PPIL6: variants seen among roughly 807,000 people sequenced by gnomAD.
The protein encoded by PPIL6 is peptidylprolyl isomerase like 6, also known as probable inactive peptidyl-prolyl cis-trans isomerase-like 6.
Under a neutral mutation model 36.8 loss-of-function variants are expected in PPIL6, and 39 were observed. The ratio of observed to expected loss-of-function variants is 1.06; its 90% CI spans 0.82 to 1.38. The LOEUF (loss-of-function observed/expected upper bound fraction) is 1.38. PPIL6 is among the 40% of genes most tolerant of loss of function. PPIL6 has a pLI of 0.00. For missense variants in PPIL6, 368 were observed against 379.1 expected, an observed-to-expected ratio of 0.97 and a Z score of 0.24; for synonymous variants, 123 against 134.1, an observed-to-expected ratio of 0.92 and a Z score of 0.57.
chr6:109,425,247 G>T (rs1345973625), intron 5 of PPIL6, among the ~76,000 whole-genome samples: 1 of 152,212 alleles, frequency 6.6e-6, no homozygotes, highest in Non-Finnish European at 1.5e-5. Flanking sequence ...GCTTGGATTT[G>T]AATCTAGCAA....
intron 6 of PPIL6, among the ~76,000 whole-genome samples, chr6:109,405,480 G>A (rs1030715411): frequency 4.6e-5 from 7 of 152,250 alleles, no homozygotes; most frequent in African/African-American, 1.7e-4. Context: ...CTCCCAGTCT[G>A]GAGTCTGTTG....
At chr6:109,406,988 T>C (rs1433825239) in intron 6 of PPIL6, among the ~76,000 whole-genome samples, 1 of 152,204 alleles carries the variant, frequency 6.6e-6, no homozygotes, top group African/African-American at 2.4e-5. Flanking sequence ...ACTTTTGCTA[T>C]CTAATAGAAC....
In PPIL6 at chr6:109,390,854, T is replaced by C. The variant is rs570127504; in HGVS notation, c.*1972A>G. The stretch of plus-strand genomic sequence containing the variant: ...TACTATTTTTGCAACTTCCTGTGAA[T>C]CTATATTTCAAAATAAAAAGTTAAA... On this transcript the variant is annotated 3_prime_UTR_variant, in exon 8 of 8. Transcript: ENST00000521072. 19 of 152,290 alleles carry C rather than the reference T, an allele frequency of 1.2e-4. No homozygotes were observed. The highest frequency in any genetic ancestry group is 4.6e-4 in the African/African-American group (19 of 41,568). The allele number at this position is 152,290 out of a possible 1,614,324, so 9.4% of individuals were successfully genotyped here.
Position 109,419,218 on chromosome 6 carries a change from A to G in PPIL6, c.657T>C (p.Asn219=). Residue 219 remains asparagine, a synonymous_variant, in exon 6 of 8, where the codon AAT becomes AAC. Coordinates refer to ENST00000521072, the MANE Select transcript of PPIL6 (RefSeq NM_173672.5). The part of the protein sequence containing the change: ...GGDIVYGKGD[N]GESIYGPTFE... ...ATGTTGGACCATAAATCGACTCTCC[A>G]TTATCTCCTTTTCCATACACTATAT... is the stretch of plus-strand genomic sequence containing the variant. 1 of 1,565,810 alleles carries G rather than the reference A, an allele frequency of 6.4e-7. No homozygotes were observed.
In PPIL6 at chr6:109,412,356, A is replaced by G. The variant is rs190344290; in HGVS notation, c.688+6831T>C. ...AGCTGTTTTCTTCTAAAAAGGAATTACCAATGACATTCTTCATGGAAATAG... is the reference window on the plus strand; with the variant it reads ...AGCTGTTTTCTTCTAAAAAGGAATTGCCAATGACATTCTTCATGGAAATAG... On this transcript the variant is annotated intron_variant, in intron 6 of 7. Coordinates refer to ENST00000521072, the MANE Select transcript of PPIL6 (RefSeq NM_173672.5). Among the ~76,000 whole-genome samples, 278 of 152,316 alleles carry G rather than the reference A, an allele frequency of 1.8e-3. 1 individual carries two copies. The highest frequency in any genetic ancestry group is 6.3e-3 in the African/African-American group (260 of 41,568).
chr6:109,433,865 A>G (rs1461560154), intron 2 of PPIL6, among the ~76,000 whole-genome samples: 1 of 152,224 alleles, frequency 6.6e-6, no homozygotes, highest in Non-Finnish European at 1.5e-5. Context: ...CGAAGCAGCA[A>G]TGATGAACTG....
chr6:109,395,207 G>C (rs890013899), intron 7 of PPIL6, among the ~76,000 whole-genome samples: 1 of 152,104 alleles, frequency 6.6e-6, no homozygotes, highest in African/African-American at 2.4e-5. Flanking sequence ...AGGAGTTCAA[G>C]ACTAGCTTGG....
chr6:109,438,076 CAT>C (rs1254937388), intron 1 of PPIL6, among the ~76,000 whole-genome samples: 1 of 151,998 alleles, frequency 6.6e-6, no homozygotes, highest in Non-Finnish European at 1.5e-5. Flanking sequence ...TTTCAATTGA[CAT>C]ATAATAATTG....
At chr6:109,414,959 A>G (rs1168325479) in intron 6 of PPIL6, among the ~76,000 whole-genome samples, 2 of 152,234 alleles carry the variant, frequency 1.3e-5, no homozygotes, top group Non-Finnish European at 2.9e-5. Flanking sequence ...AGAAAATAAA[A>G]TGTTATAAAG....
intron 5 of PPIL6, among the ~76,000 whole-genome samples, chr6:109,419,660 T>C (rs1773441576): frequency 6.6e-6 from 1 of 151,820 alleles, no homozygotes; most frequent in Non-Finnish European, 1.5e-5. Context: ...GAGGTGGAGG[T>C]TGCGGTGAGC....
chr6:109,399,543 C>T (rs991432773), intron 7 of PPIL6, among the ~76,000 whole-genome samples: 2 of 152,196 alleles, frequency 1.3e-5, no homozygotes, highest in African/African-American at 4.8e-5. Flanking sequence ...GCTGGAATTA[C>T]AGGCACATGC....
At chr6:109,417,732 C>T (rs2115239789) in intron 6 of PPIL6, among the ~76,000 whole-genome samples, 1 of 152,328 alleles carries the variant, frequency 6.6e-6, no homozygotes, top group African/African-American at 2.4e-5. Flanking sequence ...AAAGCCACAA[C>T]CTTGCATAAA....
At chr6:109,420,578 A>T (rs1773493018) in intron 5 of PPIL6, among the ~76,000 whole-genome samples, 1 of 152,164 alleles carries the variant, frequency 6.6e-6, no homozygotes, top group South Asian at 2.1e-4. Context: ...TTATCTATCC[A>T]CAGCTAAAAG....
intron 5 of PPIL6, among the ~76,000 whole-genome samples, chr6:109,425,559 G>A (rs565065969): frequency 1.3e-5 from 2 of 152,150 alleles, no homozygotes; most frequent in African/African-American, 4.8e-5. Flanking sequence ...GGCCAGCCTG[G>A]CCAACATGGC....
intron 5 of PPIL6, among the ~76,000 whole-genome samples, chr6:109,422,139 G>A (rs1773581778): frequency 6.6e-6 from 1 of 152,114 alleles, no homozygotes; most frequent in Non-Finnish European, 1.5e-5. Context: ...GCCTCCCAAA[G>A]TGCTGGGATT....
At chr6:109,437,071 G>C (rs1774487642) in intron 1 of PPIL6, among the ~76,000 whole-genome samples, 1 of 152,242 alleles carries the variant, frequency 6.6e-6, no homozygotes, top group Non-Finnish European at 1.5e-5. Flanking sequence ...TTTAGGTTTA[G>C]ATACGGAATA....
At chr6:109,414,013 C>CAA (rs139165068) in intron 6 of PPIL6, among the ~76,000 whole-genome samples, 1 of 145,944 alleles carries the variant, frequency 6.9e-6, no homozygotes, top group Admixed American at 6.8e-5. Context: ...TTAATAGGCA[C>CAA]AAAAAAAAAG....
rs560490257 is a variant in PPIL6 at position 109,421,884 on chromosome 6, T to A, written c.632-2641A>T. 6.2e-3 allele frequency among the ~76,000 whole-genome samples: 943 copies of A among 151,518 alleles called. 5 individuals are homozygous for A. Among genetic ancestry groups the A allele is most frequent in the Middle Eastern group, 0.02 (6 of 294 alleles). On this transcript the variant is annotated intron_variant, in intron 5 of 7. Transcript: ENST00000521072. ...TGAGACTCTGTCTCTACAAAAAAAA[T>A]TTATTTTTTTGAGACAGAGTCTTGC...
In PPIL6 at chr6:109,409,091, C is replaced by T. The variant is rs111851859; in HGVS notation, c.689-8921G>A. ...GTATGCAAATCAATCAATGTGATAT[C>T]GACAAAATGAAGGATAAAAACCATA... On this transcript the variant is annotated intron_variant, in intron 6 of 7. Transcript: ENST00000521072. Among the ~76,000 whole-genome samples, 399 of 152,196 alleles carry T rather than the reference C, an allele frequency of 2.6e-3. 3 individuals carry two copies. Among genetic ancestry groups the T allele is most frequent in the African/African-American group, 8.9e-3 (368 of 41,516 alleles).
Sources: gnomAD v4.1 joint callset for allele counts (sites outside exome capture counted in the v4.1 genomes callset) on GRCh38, gnomAD v4.1.1 for gene constraint, MANE v1.5 for transcripts, NCBI Gene and HGNC (gene_info 2026-07-23, HGNC 2026-07-21) for gene names.